The following ARHGAP26 variants were observed in gnomAD, a reference collection of about 807,000 sequenced individuals.
ARHGAP26 encodes Rho GTPase activating protein 26.
ARHGAP26 carries 38 observed loss-of-function variants against 104.8 expected under a neutral mutation model. The ratio of observed to expected loss-of-function variants is 0.36; its 90% CI spans 0.28 to 0.48. The LOEUF is 0.48. ARHGAP26 is among the 20% of genes least tolerant of loss of function. The pLI, the probability that ARHGAP26 is intolerant of heterozygous loss-of-function variation, is 0.99. For missense variants in ARHGAP26, 704 were observed against 947.9 expected (o/e 0.74, Z 3.38); for synonymous variants, 341 against 340.0 (o/e 1.00, Z -0.03).
intron 19 of ARHGAP26, among the ~76,000 whole-genome samples, chr5:143,139,036 A>G (rs1443512254): frequency 6.6e-6 from 1 of 152,144 alleles, no homozygotes; most frequent in African/African-American, 2.4e-5. Flanking sequence ...ACTCTTCCTT[A>G]TCTCCAAGGG....
intron 22 of ARHGAP26, among the ~76,000 whole-genome samples, chr5:143,221,072 G>T (rs1811067616): frequency 6.6e-6 from 1 of 152,204 alleles, no homozygotes; most frequent in Non-Finnish European, 1.5e-5. Flanking sequence ...CTGCCTCACT[G>T]CAGAGTGATC....
chr5:143,154,146 T>A (rs2151019985), intron 20 of ARHGAP26, among the ~76,000 whole-genome samples: 1 of 120,148 alleles, frequency 8.3e-6, no homozygotes, highest in African/African-American at 3.3e-5. Flanking sequence ...GAAGATACAG[T>A]GATTTAAAAA....
chr5:143,222,270 CA>C (rs1275606552), intron 22 of ARHGAP26, 87 bp from the exon 23 acceptor site: 224 of 747,006 alleles, frequency 3.0e-4, no homozygotes, highest in East Asian at 1.5e-3. Flanking sequence ...CACACACACA[CA>C]CACACACACA....
chr5:143,067,604 C>T lies in ARHGAP26; in HGVS notation c.1538+9857C>T, dbSNP rs932545358. On this transcript the variant is annotated intron_variant, in intron 17 of 22. Coordinates refer to ENST00000645722, the MANE Select transcript of ARHGAP26 (RefSeq NM_001135608.3). ...AGCAGTTTAGCATCCTGATTTATTT[C>T]GTGTTTCCAATTTGGTATTATAAGT... 2.6e-5 allele frequency among the ~76,000 whole-genome samples: 4 copies of T among 152,144 alleles called. No individual in the cohort carries two copies. The East Asian group carries it at 5.8e-4, about 22-fold the overall frequency.
chr5:142,774,740 C>T (rs1755955300), intron 1 of ARHGAP26, among the ~76,000 whole-genome samples: 1 of 152,098 alleles, frequency 6.6e-6, no homozygotes, highest in Non-Finnish European at 1.5e-5. Context: ...CCTATTCATC[C>T]CTCCCTCCCC....
At chr5:143,153,164 T>C (rs121883) in intron 20 of ARHGAP26, among the ~76,000 whole-genome samples, 88,709 of 152,030 alleles carry the variant, frequency 0.58, 26,148 homozygotes, top group Middle Eastern at 0.76. Context: ...GAAAACAACT[T>C]GTAACTGAGA....
At chr5:142,784,646 C>G (rs1281293891) in intron 1 of ARHGAP26, among the ~76,000 whole-genome samples, 1 of 152,124 alleles carries the variant, frequency 6.6e-6, no homozygotes, top group East Asian at 1.9e-4. Flanking sequence ...ACTGAGCTCC[C>G]CAAATGGGCA....
Position 143,147,366 on chromosome 5 carries a change from C to T in ARHGAP26, c.1973C>T (p.Thr658Ile). The change falls in exon 20 of 23, where the codon ACC (threonine) becomes ATC (isoleucine). Residue 658 changes from threonine (T) to isoleucine (I), a missense_variant. Around this residue, in one of 6 missense-constraint regions of ARHGAP26, gnomAD observed 217 missense variants for 242.6 expected, o/e 0.89. Transcript: ENST00000645722. ...CCAGACCTGGCTGTGGTCAAACCCA[C>T]CCGGCCCAACTCACTGTAAGTATGA... Reference protein sequence around the residue: ...SDPDLAVVKPTRPNSLPPNPS... With the variant: ...SDPDLAVVKPIRPNSLPPNPS... 4 of 1,613,608 alleles carry T rather than the reference C, an allele frequency of 2.5e-6. No homozygotes were observed. The highest frequency in any genetic ancestry group is 3.4e-6 in the Non-Finnish European group (4 of 1,179,712).
intron 11 of ARHGAP26, among the ~76,000 whole-genome samples, chr5:142,993,069 C>T (rs1283774054): frequency 5.3e-5 from 8 of 151,982 alleles, no homozygotes; most frequent in Admixed American, 1.3e-4. Flanking sequence ...GCAACCTCCA[C>T]CTCCCAGGTT....
At chr5:143,208,266 G>C (rs1946836) in intron 21 of ARHGAP26, among the ~76,000 whole-genome samples, 1 of 152,032 alleles carries the variant, frequency 6.6e-6, no homozygotes, top group Non-Finnish European at 1.5e-5. Flanking sequence ...GCTCCTAAAC[G>C]TGCTTCTCTC....
chr5:143,149,752 A>G (rs920259012), intron 20 of ARHGAP26, among the ~76,000 whole-genome samples: 4 of 152,208 alleles, frequency 2.6e-5, no homozygotes, highest in African/African-American at 4.8e-5. Flanking sequence ...GGAACACTTA[A>G]TGATGCAGAT....
chr5:142,935,045 C>T (rs190002642), intron 11 of ARHGAP26, among the ~76,000 whole-genome samples: 2 of 152,162 alleles, frequency 1.3e-5, no homozygotes, highest in Admixed American at 6.5e-5. Flanking sequence ...TGTCTTCCTA[C>T]AATAAGCATT....
intron 20 of ARHGAP26, among the ~76,000 whole-genome samples, chr5:143,165,710 C>T (rs1029936410): frequency 1.8e-4 from 28 of 152,128 alleles, no homozygotes; most frequent in Admixed American, 3.3e-4. Context: ...TAGTCATCAC[C>T]CCACCGACCC....
In ARHGAP26 at chr5:142,925,656, G is replaced by C. The variant is rs78637848; in HGVS notation, c.1029-6391G>C. On this transcript the variant is annotated intron_variant, in intron 10 of 22. Transcript: ENST00000645722. ...CACTTGCAAAACTCTTCTTGCAAGTGGATGGCAGCTGATGCTCCATTCCTT... is the reference window on the plus strand; with the variant it reads ...CACTTGCAAAACTCTTCTTGCAAGTCGATGGCAGCTGATGCTCCATTCCTT... Among the ~76,000 whole-genome samples the C allele has an allele frequency of 3.7e-3, 570 of 152,282 alleles. 13 individuals are homozygous for C. The East Asian group carries it at 0.056, about 15-fold the overall frequency.
At chr5:142,835,904 C>T (rs980351350) in intron 1 of ARHGAP26, among the ~76,000 whole-genome samples, 8 of 152,190 alleles carry the variant, frequency 5.3e-5, no homozygotes. Context: ...ACAAAACCCT[C>T]TAAGATTAGT....
intron 1 of ARHGAP26, among the ~76,000 whole-genome samples, chr5:142,783,698 A>G (rs796066645): frequency 1.6e-4 from 25 of 152,290 alleles, no homozygotes; most frequent in African/African-American, 5.8e-4. Flanking sequence ...TTCTGATCTC[A>G]GCTGGTTCTC....
intron 1 of ARHGAP26, among the ~76,000 whole-genome samples, chr5:142,842,589 A>G (rs1381187528): frequency 6.6e-6 from 1 of 152,232 alleles, no homozygotes; most frequent in African/African-American, 2.4e-5. Flanking sequence ...ACATGCCTAG[A>G]GGTCCCACAG....
chr5:143,207,845 G>A (rs1238510065), intron 21 of ARHGAP26, among the ~76,000 whole-genome samples: 1 of 152,238 alleles, frequency 6.6e-6, no homozygotes, highest in African/African-American at 2.4e-5. Flanking sequence ...ATTTATTTGT[G>A]GGGTTGGGCC....
At chr5:143,197,176 T>A (rs1356844418) in intron 20 of ARHGAP26, among the ~76,000 whole-genome samples, 2 of 152,216 alleles carry the variant, frequency 1.3e-5, no homozygotes, top group African/African-American at 4.8e-5. Flanking sequence ...GCTCTACACA[T>A]TCTAATACAT....
Sources: gnomAD v4.1 joint callset for allele counts (sites outside exome capture counted in the v4.1 genomes callset) on GRCh38, gnomAD v4.1.1 for gene constraint, gnomAD v4.1.1 regional missense constraint, MANE v1.5 for transcripts, NCBI Gene and HGNC (gene_info 2026-07-23, HGNC 2026-07-21) for gene names.